The following PTPRT variants were observed in gnomAD, a reference collection of about 807,000 sequenced individuals.
The protein encoded by PTPRT is receptor-type tyrosine-protein phosphatase T.
Under a neutral mutation model 176.8 loss-of-function variants are expected in PTPRT, and 56 were observed. The observed-to-expected ratio is 0.32, with a 90% CI of 0.26 to 0.40. The LOEUF (loss-of-function observed/expected upper bound fraction) is 0.40. PTPRT is among the 10% of genes least tolerant of loss of function. The probability of loss-of-function intolerance (pLI) is 1.00; values close to 1 mark genes in which losing one functional copy is unlikely to be tolerated. For synonymous variants in PTPRT, 783 were observed against 739.0 expected, an observed-to-expected ratio of 1.06 and a Z score of -0.96; for missense variants, 1,540 against 1,908.2, an observed-to-expected ratio of 0.81 and a Z score of 3.60.
At chr20:42,745,241 A>G (rs2076674972) in intron 6 of PTPRT, among the ~76,000 whole-genome samples, 1 of 152,188 alleles carries the variant, frequency 6.6e-6, no homozygotes, top group Admixed American at 6.5e-5. Flanking sequence ...CTTCCCATCC[A>G]TACAGCTCCA....
At chr20:43,068,378 A>C (rs1353353463) in intron 1 of PTPRT, among the ~76,000 whole-genome samples, 1 of 150,948 alleles carries the variant, frequency 6.6e-6, no homozygotes, top group Non-Finnish European at 1.5e-5. Context: ...GGTGGCGGGG[A>C]ACCTGTAGTC....
chr20:42,901,527 A>C (rs1254639776), intron 1 of PTPRT, among the ~76,000 whole-genome samples: 2 of 151,532 alleles, frequency 1.3e-5, no homozygotes. Context: ...CCGCAATCCC[A>C]TACCTGTCTC....
chr20:42,281,454 T>C (rs2147052359), intron 13 of PTPRT, among the ~76,000 whole-genome samples: 1 of 152,274 alleles, frequency 6.6e-6, no homozygotes, highest in African/African-American at 2.4e-5. Context: ...ATAAAAGTCA[T>C]GTGTGATGGG....
At chr20:42,056,881 G>A in the PTPRT span, among the ~76,000 whole-genome samples, 4 of 152,136 alleles carry the variant, frequency 2.6e-5, no homozygotes, top group African/African-American at 9.7e-5. Flanking sequence ...CTTGGAGGAG[G>A]TCTCTTTGGA....
chr20:42,842,609 G>T lies in PTPRT; in HGVS notation c.214+43198C>A, dbSNP rs377407544. Among the ~76,000 whole-genome samples the T allele has an allele frequency of 2.1e-4, 32 of 152,082 alleles. No individual in the cohort carries two copies. In the East Asian group the frequency reaches 5.8e-3, roughly 28 times the overall value. On this transcript the variant is annotated intron_variant, in intron 2 of 30. Transcript: ENST00000373187. ...AAATTTTTGTATTTTTAGTAGAGAT[G>T]GGGTTTCACCATGTTGGCTAGTATG...
In PTPRT at chr20:42,622,263, A is replaced by G. The variant is rs1053940098; in HGVS notation, c.1153+55603T>C. Among the ~76,000 whole-genome samples the G allele has an allele frequency of 2.1e-5, 3 of 146,034 alleles. No individual in the cohort carries two copies. The East Asian group carries it at 5.9e-4, about 29-fold the overall frequency. On this transcript the variant is annotated intron_variant, in intron 7 of 30. Coordinates refer to ENST00000373187, the MANE Select transcript of PTPRT (RefSeq NM_007050.6). The stretch of plus-strand genomic sequence containing the variant: ...GACTTAAATTTTTTTTTTTTTTGAG[A>G]CGGAGTCTCACTCTGCTGCCCAGGC...
At chr20:42,488,800 A>C (rs1298023811) in intron 7 of PTPRT, among the ~76,000 whole-genome samples, 2 of 152,086 alleles carry the variant, frequency 1.3e-5, no homozygotes, top group African/African-American at 2.4e-5. Flanking sequence ...CCCCATCTCT[A>C]CTAAAAATAC....
At chr20:42,520,986 G>A (rs1169682451) in intron 7 of PTPRT, among the ~76,000 whole-genome samples, 1 of 150,572 alleles carries the variant, frequency 6.6e-6, no homozygotes, top group African/African-American at 2.5e-5. Context: ...GTGACTATCT[G>A]TCTGTCTGTC....
rs553115353 is a variant in PTPRT, at chr20:42,268,447, G to T, written c.2176+14042C>A. 7.9e-5 allele frequency among the ~76,000 whole-genome samples: 12 copies of T among 152,246 alleles called. No homozygotes were observed. The South Asian group carries it at 1.5e-3, about 18-fold the overall frequency. On this transcript the variant is annotated intron_variant, in intron 13 of 30. Transcript: ENST00000373187. ...AAACGGAACAGCTCGCACACACTCT[G>T]GAGAAGTATTGTTTCTCTGTAAATT...
At chr20:42,586,415 T>C (rs1348428372) in intron 7 of PTPRT, among the ~76,000 whole-genome samples, 3 of 152,168 alleles carry the variant, frequency 2.0e-5, no homozygotes, top group Non-Finnish European at 4.4e-5. Flanking sequence ...TATGGTCAGG[T>C]TCACAAAGTA....
chr20:42,685,088 T>C (rs957709012), intron 6 of PTPRT, among the ~76,000 whole-genome samples: 4 of 152,118 alleles, frequency 2.6e-5, no homozygotes. Flanking sequence ...TCCTAACCAT[T>C]ATGATAAAGA....
intron 1 of PTPRT, among the ~76,000 whole-genome samples, chr20:42,948,689 C>G (rs914205033): frequency 6.6e-6 from 1 of 152,120 alleles, no homozygotes; most frequent in Non-Finnish European, 1.5e-5. Context: ...TCATGTGAGT[C>G]CTTAAATTCA....
intron 6 of PTPRT, among the ~76,000 whole-genome samples, chr20:42,690,668 C>A (rs1056264859): frequency 6.6e-6 from 1 of 152,326 alleles, no homozygotes; most frequent in African/African-American, 2.4e-5. Flanking sequence ...ATGCCCAATA[C>A]ACTTCATCCC....
At chr20:42,707,006 T>C (rs1246999543) in intron 6 of PTPRT, among the ~76,000 whole-genome samples, 1 of 152,124 alleles carries the variant, frequency 6.6e-6, no homozygotes, top group Non-Finnish European at 1.5e-5. Context: ...GTAATGAATC[T>C]ACAAGACGAG....
the PTPRT span, among the ~76,000 whole-genome samples, chr20:42,044,445 T>A: frequency 6.6e-6 from 1 of 152,230 alleles, no homozygotes; most frequent in Non-Finnish European, 1.5e-5. Flanking sequence ...AGAGGACTCA[T>A]GCTAGGCATT....
chr20:42,514,230 A>G (rs1444451905), intron 7 of PTPRT, among the ~76,000 whole-genome samples: 1 of 152,190 alleles, frequency 6.6e-6, no homozygotes, highest in African/African-American at 2.4e-5. Flanking sequence ...GGCTTGACCA[A>G]TTGATCCTGC....
intron 2 of PTPRT, among the ~76,000 whole-genome samples, chr20:42,843,728 G>A (rs887555590): frequency 2.0e-5 from 3 of 152,214 alleles, no homozygotes; most frequent in African/African-American, 7.2e-5. Flanking sequence ...AGTAAGCATG[G>A]AGGGCTTCCA....
In PTPRT at chr20:43,030,491, AG is replaced by A. The variant is rs1986096748; in HGVS notation, c.89-144560del. ...CATTCCAGTAGCCCAAAAGGGGGAAAGGGCATTTCAGAACAAAAAAAAAAAA... is the reference window on the plus strand; with the variant it reads ...CATTCCAGTAGCCCAAAAGGGGGAAAGGCATTTCAGAACAAAAAAAAAAAA... On this transcript the variant is annotated intron_variant, in intron 1 of 30. Coordinates refer to ENST00000373187, the MANE Select transcript of PTPRT (RefSeq NM_007050.6). Among the ~76,000 whole-genome samples the A allele has an allele frequency of 4.8e-5, 7 of 146,284 alleles. No homozygotes were observed. In the Admixed American group the frequency reaches 4.9e-4, roughly 10 times the overall value.
At chr20:42,169,880 G>A (rs1236656722) in intron 16 of PTPRT, among the ~76,000 whole-genome samples, 1 of 151,762 alleles carries the variant, frequency 6.6e-6, no homozygotes, top group South Asian at 2.1e-4. Flanking sequence ...TGGGGGCGGG[G>A]GCAGGGAATG....
Sources: allele counts gnomAD v4.1 joint callset (sites outside exome capture counted in the v4.1 genomes callset), GRCh38; gene constraint gnomAD v4.1.1; transcripts MANE v1.5; gene names NCBI Gene and HGNC (gene_info 2026-07-23, HGNC 2026-07-21).